The following AMN1 variants were observed in gnomAD, a reference collection of about 807,000 sequenced individuals.
AMN1 encodes the protein antagonist of mitotic exit network 1 homolog, also known as protein AMN1 homolog.
AMN1 carries 20 observed loss-of-function variants against 33.0 expected under a neutral mutation model. That is an observed-to-expected ratio of 0.61 (90% CI 0.43 to 0.88). The LOEUF (loss-of-function observed/expected upper bound fraction) is 0.88. Ranked by LOEUF, AMN1 falls within the 40% of genes least tolerant of loss-of-function variation. AMN1 has a pLI of 0.00. For missense variants in AMN1, 246 were observed against 307.4 expected (o/e 0.80, Z 1.49); for synonymous variants, 114 against 111.9 (o/e 1.02, Z -0.12).
At chr12:31,698,005 G>A (rs1938812124) in intron 3 of AMN1, 48 bp from the exon 4 acceptor site, 2 of 1,545,878 alleles carry the variant, frequency 1.3e-6, no homozygotes, top group Non-Finnish European at 8.9e-7. Context: ...GTGTGTATAT[G>A]TATACATGAG....
chr12:31,708,122 C>T (rs1939320608), intron 2 of AMN1, among the ~76,000 whole-genome samples: 1 of 152,126 alleles, frequency 6.6e-6, no homozygotes, highest in Non-Finnish European at 1.5e-5. Context: ...GGAAGACGAC[C>T]ATAAGGTCTG....
intron 6 of AMN1, among the ~76,000 whole-genome samples, chr12:31,675,985 G>T (rs1328687970): frequency 6.6e-6 from 1 of 151,744 alleles, no homozygotes; most frequent in Non-Finnish European, 1.5e-5. Context: ...TAAAAAAATA[G>T]AATAAATGAG....
In AMN1 at chr12:31,689,097, C is replaced by G. The variant is rs761190940; in HGVS notation, c.613G>C (p.Val205Leu). 26 of 1,612,004 alleles carry G rather than the reference C, an allele frequency of 1.6e-5. No individual in the cohort carries two copies. Among genetic ancestry groups the G allele is most frequent in the Non-Finnish European group, 2.2e-5 (26 of 1,178,638 alleles). ...KLEEIHMGHC[V>L]NLTDGAVEAV... ...TCGACAGCCCCATCAGTCAGATTTA[C>G]ACAATGTCCCATATGAATCTCCTAT... Residue 205 changes from valine (V) to leucine (L), a missense_variant, in exon 6 of 7, where the codon GTA (valine) becomes CTA (leucine). Coordinates refer to ENST00000281471, the MANE Select transcript of AMN1 (RefSeq NM_001113402.2).
At chr12:31,716,255 C>A (rs951012675) in intron 1 of AMN1, among the ~76,000 whole-genome samples, 4 of 152,090 alleles carry the variant, frequency 2.6e-5, no homozygotes, top group African/African-American at 9.7e-5. Context: ...CCAATTTATT[C>A]TACAGTGAAT....
At chr12:31,678,688 G>A (rs543229328) in intron 6 of AMN1, among the ~76,000 whole-genome samples, 4 of 152,136 alleles carry the variant, frequency 2.6e-5, no homozygotes, top group East Asian at 1.9e-4. Context: ...AGCCACCACC[G>A]TGCCCGGCCA....
In AMN1 at chr12:31,697,870, G is replaced by C. The variant is rs774813250; in HGVS notation, c.404C>G (p.Ala135Gly). 6.2e-7 allele frequency: 1 copy of C among 1,613,958 alleles called. No homozygotes were observed. The highest frequency in any genetic ancestry group is 8.5e-7 in the Non-Finnish European group (1 of 1,179,852). Residue 135 changes from alanine (A) to glycine (G), a missense_variant, in exon 4 of 7, where the codon GCT becomes GGT. Physicochemically the swap from Ala to Gly is moderately conservative, Grantham distance 60. Transcript: ENST00000281471. Reference sequence around the variant, plus strand: ...TAGCAGCTGGCAATTGAGTGCAAGAGCAACGACTCCTTCGTCAGTGAGATT... The same window carrying C: ...TAGCAGCTGGCAATTGAGTGCAAGACCAACGACTCCTTCGTCAGTGAGATT... ...CCNLTDEGVV[A>G]LALNCQLLKI...
At chr12:31,679,659 A>T (rs991742180) in intron 6 of AMN1, among the ~76,000 whole-genome samples, 1 of 152,124 alleles carries the variant, frequency 6.6e-6, no homozygotes, top group Non-Finnish European at 1.5e-5. Flanking sequence ...AAACATAAGG[A>T]CTCTCTAACT....
At chr12:31,678,585 T>C (rs1179437580) in intron 6 of AMN1, among the ~76,000 whole-genome samples, 7 of 152,152 alleles carry the variant, frequency 4.6e-5, no homozygotes, top group Non-Finnish European at 8.8e-5. Flanking sequence ...TTAGTAGAGA[T>C]GGGGTTTCAC....
Position 31,671,985 on chromosome 12 carries a change from C to A in AMN1, c.*319G>T. 1 of 205,250 alleles carries A rather than the reference C, an allele frequency of 4.9e-6. No homozygotes were observed. The highest frequency in any genetic ancestry group is 9.8e-6 in the Non-Finnish European group (1 of 101,940). 12.7% of individuals were successfully genotyped at this position (205,250 alleles called of 1,614,324 possible). Reference sequence around the variant, plus strand: ...ATACCTACATAGGAGAAGGAAATCTCAAGGGAAAACAGTTAATTTTAAAGT... The same window carrying A: ...ATACCTACATAGGAGAAGGAAATCTAAAGGGAAAACAGTTAATTTTAAAGT... On this transcript the variant is annotated 3_prime_UTR_variant, in exon 7 of 7. Coordinates refer to ENST00000281471, the MANE Select transcript of AMN1 (RefSeq NM_001113402.2).
chr12:31,698,741 CTTT>C (rs201986632), intron 3 of AMN1, among the ~76,000 whole-genome samples: 4 of 148,600 alleles, frequency 2.7e-5, no homozygotes, highest in African/African-American at 4.9e-5. Context: ...TAAGAAAGAA[CTTT>C]TTTTTTTTCT....
At chr12:31,713,804 T>C (rs1939562686) in intron 1 of AMN1, among the ~76,000 whole-genome samples, 1 of 152,024 alleles carries the variant, frequency 6.6e-6, no homozygotes, top group African/African-American at 2.4e-5. Flanking sequence ...GCTGTGATTG[T>C]ACCACTGCAC....
chr12:31,710,418 T>A (rs1167944930), intron 1 of AMN1, among the ~76,000 whole-genome samples: 1 of 152,200 alleles, frequency 6.6e-6, no homozygotes, highest in Non-Finnish European at 1.5e-5. Flanking sequence ...CTGTGATTAA[T>A]TTTTTAGTGC....
chr12:31,700,938 C>T (rs1476704427), intron 3 of AMN1, among the ~76,000 whole-genome samples: 1 of 152,058 alleles, frequency 6.6e-6, no homozygotes, highest in Non-Finnish European at 1.5e-5. Flanking sequence ...ATCCACCCGC[C>T]TAGGCCTCCC....
At chr12:31,684,885 A>T (rs1938183947) in intron 6 of AMN1, among the ~76,000 whole-genome samples, 1 of 152,212 alleles carries the variant, frequency 6.6e-6, no homozygotes, top group African/African-American at 2.4e-5. Flanking sequence ...GTGTTTTCTC[A>T]TCACCAACAT....
At chr12:31,697,051 T>C (rs1302572516) in intron 5 of AMN1, among the ~76,000 whole-genome samples, 2 of 152,144 alleles carry the variant, frequency 1.3e-5, no homozygotes, top group Non-Finnish European at 2.9e-5. Context: ...TTATAAATAA[T>C]ATCACTTTAC....
chr12:31,679,495 C>T (rs1241922238), intron 6 of AMN1, among the ~76,000 whole-genome samples: 3 of 152,108 alleles, frequency 2.0e-5, no homozygotes, highest in African/African-American at 7.2e-5. Flanking sequence ...GGTGCCACTG[C>T]ACTCCAGCCT....
intron 1 of AMN1, among the ~76,000 whole-genome samples, chr12:31,717,698 A>G (rs912117095): frequency 4.6e-5 from 7 of 152,216 alleles, no homozygotes; most frequent in Non-Finnish European, 8.8e-5. Context: ...TAAGATTTAT[A>G]GTTAACTTTT....
chr12:31,696,953 A>G (rs1187718974), intron 5 of AMN1, among the ~76,000 whole-genome samples: 6 of 152,038 alleles, frequency 3.9e-5, no homozygotes, highest in African/African-American at 1.4e-4. Context: ...AAATGATCGT[A>G]CAATGTGGCT....
intron 2 of AMN1, 51 bp from the exon 3 acceptor site, chr12:31,702,058 A>G: frequency 7.0e-7 from 1 of 1,427,898 alleles, no homozygotes; most frequent in East Asian, 2.5e-5. Context: ...ATAAATACAA[A>G]TATTTATTCC....
Sources: gnomAD v4.1 joint callset for allele counts (sites outside exome capture counted in the v4.1 genomes callset) on GRCh38, gnomAD v4.1.1 for gene constraint, MANE v1.5 for transcripts, NCBI Gene and HGNC (gene_info 2026-07-23, HGNC 2026-07-21) for gene names.